STK32B: variants seen among roughly 807,000 people sequenced by gnomAD.
STK32B encodes serine/threonine-protein kinase 32B.
STK32B carries 43 observed loss-of-function variants against 52.6 expected under a neutral mutation model. The observed-to-expected ratio is 0.82, with a 90% CI of 0.64 to 1.05. STK32B has a LOEUF of 1.05. Ranked by LOEUF, STK32B falls within the 50% of genes least tolerant of loss-of-function variation. The probability of loss-of-function intolerance (pLI) is 0.00; values close to 1 mark genes in which losing one functional copy is unlikely to be tolerated. For missense variants in STK32B, 621 were observed against 534.6 expected, an observed-to-expected ratio of 1.16 and a Z score of -1.59; for synonymous variants, 238 against 204.3, an observed-to-expected ratio of 1.17 and a Z score of -1.41.
At chr4:5,264,747 A>T (rs549088708) in intron 3 of STK32B, among the ~76,000 whole-genome samples, 1 of 152,260 alleles carries the variant, frequency 6.6e-6, no homozygotes. Flanking sequence ...AGATTGCGCC[A>T]CTGCACTCCA....
intron 11 of STK32B, among the ~76,000 whole-genome samples, chr4:5,472,773 A>G (rs1307062478): frequency 1.3e-5 from 2 of 152,220 alleles, no homozygotes; most frequent in Non-Finnish European, 2.9e-5. Context: ...TGTTACACCA[A>G]ATAATACTAT....
chr4:5,258,304 T>C lies in STK32B; in HGVS notation c.261-72916T>C, dbSNP rs577157122. Among the ~76,000 whole-genome samples the C allele has an allele frequency of 1.3e-5, 2 of 152,324 alleles. 1 individual carries two copies. Among genetic ancestry groups the C allele is most frequent in the South Asian group, 4.1e-4 (2 of 4,830 alleles). On this transcript the variant is annotated intron_variant, in intron 3 of 11. Coordinates refer to ENST00000282908, the MANE Select transcript of STK32B (RefSeq NM_018401.3). ...ACTTACTGCCCATGTGCCCTTACAGTACATTGGGGTGATAATATTTTGTGC... is the reference window on the plus strand; with the variant it reads ...ACTTACTGCCCATGTGCCCTTACAGCACATTGGGGTGATAATATTTTGTGC...
chr4:5,257,179 G>A (rs533966154), intron 3 of STK32B, among the ~76,000 whole-genome samples: 1 of 152,218 alleles, frequency 6.6e-6, no homozygotes, highest in African/African-American at 2.4e-5. Flanking sequence ...GAATGAGTGA[G>A]TGCACAGGTG....
chr4:5,168,362 A>G lies in STK32B; in HGVS notation c.172A>G (p.Lys58Glu), dbSNP rs143425183. 3 of 1,613,816 alleles carry G rather than the reference A, an allele frequency of 1.9e-6. No individual in the cohort carries two copies. In the African/African-American group the frequency reaches 4.0e-5, roughly 22 times the overall value. ...MYAMKYMNKQ[K>E]CIERDEVRNV... ...TGCAATGAAGTACATGAACAAGCAG[A>G]AGTGCATCGAGAGGGATGAGGTTCG... Residue 58 changes from lysine to glutamate, a missense_variant, in exon 3 of 12, where the codon AAG becomes GAG. Lys to Glu is a moderately conservative substitution (Grantham distance 56, BLOSUM62 1). Transcript: ENST00000282908.
Position 5,436,651 on chromosome 4 carries a change from G to T in STK32B, c.563-10022G>T, listed in dbSNP as rs555834381. On this transcript the variant is annotated intron_variant, in intron 6 of 11. Transcript: ENST00000282908. ...TGAGCAGCATGTGAGCAAAGCTGAG[G>T]AAGGGAGGGTACACGCGCTATTAGG... is the stretch of plus-strand genomic sequence containing the variant. 7.1e-6 allele frequency: 7 copies of T among 985,424 alleles called. No homozygotes were observed. The South Asian group carries it at 2.8e-4, about 40-fold the overall frequency. The allele number at this position is 985,424 out of a possible 1,614,324, so 61.0% of individuals were successfully genotyped here.
rs1382601857 is a variant in STK32B at position 5,399,193 on chromosome 4, C to G, written c.472+949C>G. Among the ~76,000 whole-genome samples the G allele has an allele frequency of 6.6e-6, 1 of 150,550 alleles. No homozygotes were observed. The highest frequency in any genetic ancestry group is 1.5e-5 in the Non-Finnish European group (1 of 66,814). On this transcript the variant is annotated intron_variant, in intron 5 of 11. Coordinates refer to ENST00000282908, the MANE Select transcript of STK32B (RefSeq NM_018401.3). The surrounding 1 kb of genome is among the most constrained non-coding windows in gnomAD (Gnocchi z 5.4). The stretch of plus-strand genomic sequence containing the variant: ...CAGGGGCCCGTCTCTCAGGGCCTAA[C>G]ATGGGGTTGGCTGGAGGGAGCAGGT...
At chr4:5,153,940 G>A (rs6836039) in intron 2 of STK32B, among the ~76,000 whole-genome samples, 87,420 of 151,946 alleles carry the variant, frequency 0.58, 25,353 homozygotes, top group Admixed American at 0.62. Flanking sequence ...TTTGATTTTG[G>A]TTCTGTAATC....
chr4:5,435,824 A>C (rs746115979), intron 6 of STK32B: 1 of 152,414 alleles, frequency 6.6e-6, no homozygotes, highest in Non-Finnish European at 1.5e-5. Context: ...GGGGGAAATG[A>C]GGAAGCCCCT....
At chr4:5,439,301 G>T (rs531964825) in intron 6 of STK32B, among the ~76,000 whole-genome samples, 1 of 151,486 alleles carries the variant, frequency 6.6e-6, no homozygotes, top group Non-Finnish European at 1.5e-5. Flanking sequence ...CATTCTAACT[G>T]GTGTGAGATG....
At chr4:5,214,969 G>A (rs73081618) in intron 3 of STK32B, among the ~76,000 whole-genome samples, 6,417 of 152,242 alleles carry the variant, frequency 0.042, 283 homozygotes, top group African/African-American at 0.11. Flanking sequence ...TGATAAATGA[G>A]CTGTGACAAT....
At chr4:5,106,441 A>G (rs551002726) in intron 1 of STK32B, among the ~76,000 whole-genome samples, 1 of 152,324 alleles carries the variant, frequency 6.6e-6, no homozygotes, top group East Asian at 1.9e-4. Flanking sequence ...ACTTTACTAT[A>G]TTCTCAGTAT....
Position 5,357,050 on chromosome 4 carries a change from C to T in STK32B, c.434+25657C>T, listed in dbSNP as rs559968344. Among the ~76,000 whole-genome samples the T allele has an allele frequency of 2.0e-5, 3 of 146,414 alleles. No individual in the cohort carries two copies. In the South Asian group the frequency reaches 6.5e-4, roughly 32 times the overall value. On this transcript the variant is annotated intron_variant, in intron 4 of 11. Coordinates refer to ENST00000282908, the MANE Select transcript of STK32B (RefSeq NM_018401.3). Reference sequence around the variant, plus strand: ...ACACACACACACACACATATATACACACACACATATATACACACATATACA... The same window carrying T: ...ACACACACACACACACATATATACATACACACATATATACACACATATACA...
intron 3 of STK32B, among the ~76,000 whole-genome samples, chr4:5,232,567 C>A (rs897198606): frequency 1.3e-5 from 2 of 152,158 alleles, no homozygotes; most frequent in Admixed American, 1.3e-4. Flanking sequence ...GTCTAGAATC[C>A]CTGATGGGAC....
Position 5,094,999 on chromosome 4 carries a change from G to A in STK32B, c.52+43084G>A, listed in dbSNP as rs542557025. Among the ~76,000 whole-genome samples, 16 of 152,310 alleles carry A rather than the reference G, an allele frequency of 1.1e-4. No homozygotes were observed. The East Asian group carries it at 2.7e-3, about 26-fold the overall frequency. ...GTGGGCTCAGAGAGGAATGAGATGCGGCTCTTCCTTGAAGAGCTCACTGCC... is the reference window on the plus strand; with the variant it reads ...GTGGGCTCAGAGAGGAATGAGATGCAGCTCTTCCTTGAAGAGCTCACTGCC... On this transcript the variant is annotated intron_variant, in intron 1 of 11. Coordinates refer to ENST00000282908, the MANE Select transcript of STK32B (RefSeq NM_018401.3).
chr4:5,339,885 T>C (rs1002273456), intron 4 of STK32B, among the ~76,000 whole-genome samples: 1 of 152,188 alleles, frequency 6.6e-6, no homozygotes, highest in Non-Finnish European at 1.5e-5. Context: ...TTATTTCCTC[T>C]GTCTGGGGGA....
chr4:5,445,517 A>C (rs1240452808), intron 6 of STK32B, among the ~76,000 whole-genome samples: 2 of 152,098 alleles, frequency 1.3e-5, no homozygotes, highest in African/African-American at 4.8e-5. Context: ...AGTGAGGTGG[A>C]GGTGAGGCAC....
chr4:5,248,482 C>G (rs1364458578), intron 3 of STK32B, among the ~76,000 whole-genome samples: 1 of 152,150 alleles, frequency 6.6e-6, no homozygotes, highest in African/African-American at 2.4e-5. Flanking sequence ...CATAGGGCCA[C>G]CATTGCAAAA....
At chr4:5,125,929 C>T (rs73794783) in intron 1 of STK32B, among the ~76,000 whole-genome samples, 1,818 of 152,180 alleles carry the variant, frequency 0.012, 36 homozygotes, top group African/African-American at 0.041. Context: ...TCAGATCTAC[C>T]GGAGGCCCTT....
At chr4:5,213,372 A>G (rs1577200455) in intron 3 of STK32B, among the ~76,000 whole-genome samples, 1 of 152,336 alleles carries the variant, frequency 6.6e-6, no homozygotes, top group East Asian at 1.9e-4. Context: ...AAACAAGCTT[A>G]AGTCAGGCCA....
Sources: gnomAD v4.1 joint callset for allele counts (sites outside exome capture counted in the v4.1 genomes callset) on GRCh38, gnomAD v4.1.1 for gene constraint, Gnocchi (gnomAD v3.1) non-coding constraint, MANE v1.5 for transcripts, NCBI Gene and HGNC (gene_info 2026-07-23, HGNC 2026-07-21) for gene names.